Variants in HPGDS observed in about 807,000 individuals in gnomAD.
HPGDS encodes GST class-sigma.
HPGDS carries 26 observed loss-of-function variants against 23.1 expected under a neutral mutation model. The observed-to-expected ratio is 1.13, with a 90% CI of 0.83 to 1.56. HPGDS has a LOEUF of 1.56. HPGDS is among the 40% of genes most tolerant of loss of function. HPGDS has a pLI of 0.00. For missense variants in HPGDS, 268 were observed against 236.4 expected (o/e 1.13, Z -0.88); for synonymous variants, 95 against 77.9 (o/e 1.22, Z -1.16).
Position 94,334,575 on chromosome 4 carries a change from G to A in HPGDS, c.55C>T (p.Arg19Cys), listed in dbSNP as rs370840098. The change falls in exon 2 of 6, where the codon CGT (arginine) becomes TGT (cysteine). Residue 19 changes from arginine to cysteine, a missense_variant. Transcript: ENST00000295256. ...ATGTCCAAATAAGCAAATATGTAAC[G>A]AATAATTTCTGCTCTCCCCCTCATA... ...FNMRGRAEII[R>C]YIFAYLDIQY... 1.7e-5 allele frequency: 27 copies of A among 1,612,830 alleles called. No individual in the cohort carries two copies. The highest frequency in any genetic ancestry group is 4.5e-5 in the East Asian group (2 of 44,796).
At chr4:94,314,522 G>A (rs150520398) in intron 3 of HPGDS, among the ~76,000 whole-genome samples, 3,777 of 152,210 alleles carry the variant, frequency 0.025, 105 homozygotes, top group African/African-American at 0.075. Flanking sequence ...AGGGGTACCC[G>A]GCCATGTAAG....
At chr4:94,315,484 G>C (rs555156978) in intron 3 of HPGDS, among the ~76,000 whole-genome samples, 52 of 151,930 alleles carry the variant, frequency 3.4e-4, no homozygotes, top group African/African-American at 1.2e-3. Context: ...AATAATAGAG[G>C]GTTTTTTTTC....
intron 2 of HPGDS, among the ~76,000 whole-genome samples, chr4:94,327,908 T>G (rs1254281988): frequency 6.6e-6 from 1 of 152,120 alleles, no homozygotes; most frequent in Non-Finnish European, 1.5e-5. Context: ...CAAGATATAG[T>G]CTGGTGGGGA....
At chr4:94,335,990 G>A (rs893537323) in intron 1 of HPGDS, among the ~76,000 whole-genome samples, 1 of 152,136 alleles carries the variant, frequency 6.6e-6, no homozygotes, top group African/African-American at 2.4e-5. Context: ...CGGATCACCT[G>A]AAGCCAGGAG....
chr4:94,338,251 C>G (rs1230703179), intron 1 of HPGDS, among the ~76,000 whole-genome samples: 2 of 152,064 alleles, frequency 1.3e-5, no homozygotes, highest in African/African-American at 4.8e-5. Context: ...TGGTGAAACC[C>G]CGTCTCTACA....
At chr4:94,304,697 G>A (rs954342149) in intron 4 of HPGDS, among the ~76,000 whole-genome samples, 20 of 152,062 alleles carry the variant, frequency 1.3e-4, no homozygotes, top group Non-Finnish European at 1.2e-4. Context: ...TTTCTGCAAC[G>A]TGTTCTGCCT....
At chr4:94,317,115 T>A (rs1185868940) in intron 3 of HPGDS, among the ~76,000 whole-genome samples, 1,611 of 152,292 alleles carry the variant, frequency 0.011, 23 homozygotes, top group African/African-American at 0.036. Context: ...TATGTATGTG[T>A]CTATGGCTTG....
At chr4:94,301,666 A>C (rs74602539) in intron 5 of HPGDS, among the ~76,000 whole-genome samples, 94 of 152,200 alleles carry the variant, frequency 6.2e-4, no homozygotes, top group Non-Finnish European at 1.1e-3. Context: ...TTGTACCCAC[A>C]ATATAATTAT....
At chr4:94,310,896 C>T (rs1756254132) in intron 3 of HPGDS, among the ~76,000 whole-genome samples, 1 of 152,148 alleles carries the variant, frequency 6.6e-6, no homozygotes, top group Non-Finnish European at 1.5e-5. Flanking sequence ...CTCTTTGAAG[C>T]AATTGTGAAT....
chr4:94,340,833 C>CT (rs769902962), intron 1 of HPGDS, among the ~76,000 whole-genome samples: 18,151 of 114,396 alleles, frequency 0.16, 2,168 homozygotes, highest in African/African-American at 0.19. Flanking sequence ...AAATTTTTTT[C>CT]TTTTTTTTTT....
At chr4:94,340,038 G>A (rs909973993) in intron 1 of HPGDS, among the ~76,000 whole-genome samples, 6 of 152,110 alleles carry the variant, frequency 3.9e-5, no homozygotes, top group Non-Finnish European at 7.4e-5. Context: ...TGAAATCTCC[G>A]CCTCCTGGGT....
intron 2 of HPGDS, among the ~76,000 whole-genome samples, chr4:94,323,589 C>G (rs1046901508): frequency 1.3e-5 from 2 of 151,892 alleles, no homozygotes; most frequent in Non-Finnish European, 2.9e-5. Flanking sequence ...TGCAACCCCT[C>G]CTTTTTTTTT....
intron 2 of HPGDS, among the ~76,000 whole-genome samples, chr4:94,323,338 A>G (rs182400278): frequency 2.6e-5 from 4 of 152,124 alleles, no homozygotes; most frequent in Non-Finnish European, 5.9e-5. Context: ...TTTCTCATTG[A>G]TCTGTCTAAT....
At chr4:94,340,305 CTTTCTCT>C (rs1721120476) in intron 1 of HPGDS, among the ~76,000 whole-genome samples, 1 of 26,200 alleles carries the variant, frequency 3.8e-5, no homozygotes, top group African/African-American at 1.5e-4. Context: ...TTCTTTCTTT[CTTTCTCT>C]TTTTTTTTTT....
intron 2 of HPGDS, among the ~76,000 whole-genome samples, chr4:94,323,191 T>C (rs1296801999): frequency 2.0e-5 from 3 of 152,210 alleles, no homozygotes; most frequent in Non-Finnish European, 2.9e-5. Context: ...AACTATGTGG[T>C]CAATTTTGGA....
At chr4:94,317,762 C>T (rs191491304) in intron 3 of HPGDS, 111 bp downstream of exon 3, 5 of 594,234 alleles carry the variant, frequency 8.4e-6, no homozygotes, top group African/African-American at 3.8e-5. Flanking sequence ...TATTTAATTC[C>T]ATTCTTATTT....
intron 4 of HPGDS, among the ~76,000 whole-genome samples, chr4:94,305,820 A>T (rs1436482338): frequency 6.6e-6 from 1 of 152,088 alleles, no homozygotes; most frequent in Non-Finnish European, 1.5e-5. Context: ...TGCTTAAATT[A>T]GTTACTAATT....
At chr4:94,303,914 A>G (rs1056258847) in intron 4 of HPGDS, 2 of 152,140 alleles carry the variant, frequency 1.3e-5, no homozygotes, top group Non-Finnish European at 2.9e-5. Flanking sequence ...TTGGTGAATT[A>G]TTTCAGTCTA....
At chr4:94,330,467 G>C (rs2126044726) in intron 2 of HPGDS, among the ~76,000 whole-genome samples, 1 of 152,106 alleles carries the variant, frequency 6.6e-6, no homozygotes, top group African/African-American at 2.4e-5. Flanking sequence ...AAGAAACTAG[G>C]TTTCTTTAAA....
Sources: allele counts gnomAD v4.1 joint callset (sites outside exome capture counted in the v4.1 genomes callset), GRCh38; gene constraint gnomAD v4.1.1; transcripts MANE v1.5; gene names NCBI Gene and HGNC (gene_info 2026-07-23, HGNC 2026-07-21).